The following GOLPH3 variants were observed in gnomAD, a reference collection of about 807,000 sequenced individuals.
GOLPH3 encodes the protein coat protein GPP34.
In GOLPH3, 14 loss-of-function variants were observed where a neutral mutation model predicts 28.5. The observed-to-expected ratio is 0.49, with a 90% confidence interval of 0.32 to 0.77. The LOEUF (loss-of-function observed/expected upper bound fraction) is 0.77, where lower values mean the gene tolerates loss of function less well. Among genes scored for constraint, GOLPH3 ranks in the 30% least tolerant of loss-of-function variants. The pLI, the probability that GOLPH3 is intolerant of heterozygous loss-of-function variation, is 0.03. For missense variants in GOLPH3, 350 were observed against 393.7 expected, an observed-to-expected ratio of 0.89 and a Z score of 0.94; for synonymous variants, 158 against 159.2, an observed-to-expected ratio of 0.99 and a Z score of 0.06.
At chr5:32,139,193 T>C (rs1038120496) in intron 2 of GOLPH3, among the ~76,000 whole-genome samples, 1 of 152,170 alleles carries the variant, frequency 6.6e-6, no homozygotes, top group Non-Finnish European at 1.5e-5. Context: ...ATCAAAAATA[T>C]CCAGGAAAAA....
At chr5:32,173,355 A>G (rs745552948) in intron 1 of GOLPH3, among the ~76,000 whole-genome samples, 1 of 151,630 alleles carries the variant, frequency 6.6e-6, no homozygotes, top group Non-Finnish European at 1.5e-5. Flanking sequence ...GAAAAAAAAA[A>G]CATCCCCAGC....
chr5:32,124,926 G>A lies in GOLPH3; in HGVS notation c.*1286C>T, dbSNP rs17435231. 0.018 allele frequency: 2,706 copies of A among 152,586 alleles called. 41 individuals are homozygous for A. Among genetic ancestry groups the A allele is most frequent in the Non-Finnish European group, 0.024 (1,639 of 68,004 alleles). The allele number at this position is 152,586 out of a possible 1,614,324, so 9.5% of individuals were successfully genotyped here. A position where few individuals can be genotyped will look rare whatever the true frequency, so the allele number is the denominator to read the frequency against. On this transcript the variant is annotated 3_prime_UTR_variant, in exon 4 of 4. Transcript: ENST00000265070. The stretch of plus-strand genomic sequence containing the variant: ...AATAAAAAATTTTGACATTTAATTT[G>A]TTCAACATATAGTATTTACATTATG...
At chr5:32,131,169 AG>A (rs758358705) in intron 3 of GOLPH3, among the ~76,000 whole-genome samples, 2 of 152,236 alleles carry the variant, frequency 1.3e-5, no homozygotes, top group Non-Finnish European at 2.9e-5. Flanking sequence ...GATCTCCTCA[AG>A]TATTAGAGAA....
At chr5:32,158,124 AAAT>A (rs1202779504) in intron 1 of GOLPH3, among the ~76,000 whole-genome samples, 7 of 100,178 alleles carry the variant, frequency 7.0e-5, no homozygotes, top group African/African-American at 1.3e-4. Context: ...ATAAATAAAT[AAAT>A]AAAATACACA....
chr5:32,164,242 T>A (rs896803607), intron 1 of GOLPH3, among the ~76,000 whole-genome samples: 3 of 152,190 alleles, frequency 2.0e-5, no homozygotes, highest in African/African-American at 7.2e-5. Context: ...CTTATTTCAA[T>A]GTTTCTCACC....
At chr5:32,142,219 C>T (rs1418234988) in intron 2 of GOLPH3, among the ~76,000 whole-genome samples, 4 of 151,930 alleles carry the variant, frequency 2.6e-5, no homozygotes, top group Admixed American at 2.6e-4. Flanking sequence ...GCCCGGCCGC[C>T]CATCGTCTGA....
At chr5:32,129,847 CTT>C (rs551296288) in intron 3 of GOLPH3, among the ~76,000 whole-genome samples, 2 of 145,934 alleles carry the variant, frequency 1.4e-5, no homozygotes, top group African/African-American at 2.5e-5. Context: ...AACTTCCACC[CTT>C]TTTTTTTTTT....
rs772604415 is a variant in GOLPH3 at position 32,173,895 on chromosome 5, T to A, written c.140A>T (p.Gln47Leu). ...EDDAQSRRDE[Q>L]DDDDKGDSKE... ...GGAGTCGCCCTTGTCGTCGTCGTCC[T>A]GCTCGTCGCGGCGGCTCTGCGCGTC... is the stretch of plus-strand genomic sequence containing the variant. Residue 47 changes from glutamine (Q) to leucine (L), a missense_variant, in exon 1 of 4, where the codon CAG becomes CTG. By Grantham distance (113) the Gln-to-Leu change is moderately radical. Transcript: ENST00000265070. 2.0e-6 allele frequency: 3 copies of A among 1,520,518 alleles called. No individual in the cohort carries two copies. Among genetic ancestry groups the A allele is most frequent in the Admixed American group, 2.0e-5 (1 of 50,054 alleles). 94.2% of individuals were successfully genotyped at this position (1,520,518 alleles called of 1,614,324 possible). A position where few individuals can be genotyped will look rare whatever the true frequency, so the allele number is the denominator to read the frequency against.
intron 1 of GOLPH3, among the ~76,000 whole-genome samples, chr5:32,157,314 T>C (rs778815584): frequency 6.6e-6 from 1 of 152,162 alleles, no homozygotes; most frequent in Non-Finnish European, 1.5e-5. Flanking sequence ...CTCCGTTCTT[T>C]CCCTCATCCC....
At chr5:32,129,792 T>C (rs766852504) in intron 3 of GOLPH3, among the ~76,000 whole-genome samples, 1 of 150,814 alleles carries the variant, frequency 6.6e-6, no homozygotes, top group South Asian at 2.1e-4. Flanking sequence ...GGCAGCAGAA[T>C]AGAATAAGCC....
intron 3 of GOLPH3, among the ~76,000 whole-genome samples, chr5:32,135,125 T>C (rs1328222792): frequency 2.6e-5 from 4 of 152,194 alleles, no homozygotes; most frequent in Non-Finnish European, 4.4e-5. Context: ...TGCTATGGTA[T>C]TCCTCCTTTT....
intron 1 of GOLPH3, among the ~76,000 whole-genome samples, chr5:32,155,964 A>C (rs1746414307): frequency 7.3e-5 from 3 of 40,936 alleles, no homozygotes; most frequent in African/African-American, 2.1e-4. Flanking sequence ...CTCAAAAAAA[A>C]AAAAAAAAAA....
intron 1 of GOLPH3, among the ~76,000 whole-genome samples, chr5:32,145,523 G>T (rs1315581232): frequency 6.6e-6 from 1 of 152,170 alleles, no homozygotes; most frequent in Non-Finnish European, 1.5e-5. Context: ...GACTGGCCTG[G>T]ACATATAGAC....
rs1745680311 is a variant in GOLPH3 at position 32,126,375 on chromosome 5, G to C, written c.734C>G (p.Ala245Gly). The C allele has an allele frequency of 6.2e-7, 1 of 1,614,046 alleles. No individual in the cohort carries two copies. The highest frequency in any genetic ancestry group is 1.3e-5 in the African/African-American group (1 of 74,900). Residue 245 changes from alanine (A) to glycine (G), a missense_variant, in exon 4 of 4, where the codon GCC becomes GGC. Transcript: ENST00000265070. The stretch of plus-strand genomic sequence containing the variant: ...AAAAGCATTCTCCAGGACGTCCGAG[G>C]CATGAGCCAGGTAAATGAGGGCCAG... Reference protein sequence around the residue: ...RLLALIYLAHASDVLENAFAP... With the variant: ...RLLALIYLAHGSDVLENAFAP...
In GOLPH3 at chr5:32,173,794, C is replaced by T; in HGVS notation, c.225+16G>A. ...CCCCGCGCCGCCGCCCCCCGCCCAG[C>T]CCGCCGCGCCCGCACCTCGCGGTCC... On this transcript the variant is annotated intron_variant, in intron 1 of 3. Transcript: ENST00000265070. 1 of 1,369,320 alleles carries T rather than the reference C, an allele frequency of 7.3e-7. No homozygotes were observed. 84.8% of individuals were successfully genotyped at this position (1,369,320 alleles called of 1,614,324 possible).
rs535212671 is a variant in GOLPH3 at position 32,137,529 on chromosome 5, C to G, written c.358-1843G>C. 2.0e-5 allele frequency among the ~76,000 whole-genome samples: 3 copies of G among 151,964 alleles called. No homozygotes were observed. The South Asian group carries it at 6.2e-4, about 32-fold the overall frequency. ...CAAAAATTAGCCAGGTGTGGTGGCG[C>G]ATGCCTGTAAACCCAGCTACTTGGG... On this transcript the variant is annotated intron_variant, in intron 2 of 3. Coordinates refer to ENST00000265070, the MANE Select transcript of GOLPH3 (RefSeq NM_022130.4).
At chr5:32,165,163 G>T (rs969035886) in intron 1 of GOLPH3, among the ~76,000 whole-genome samples, 11 of 152,016 alleles carry the variant, frequency 7.2e-5, no homozygotes, top group Non-Finnish European at 1.3e-4. Context: ...GCCTCCCAAA[G>T]TGCTGGGATT....
At position 32,156,517 on chromosome 5, in the gene GOLPH3, T is replaced by C. The variant is rs115330644; in HGVS notation, c.226-12637A>G. On this transcript the variant is annotated intron_variant, in intron 1 of 3. Coordinates refer to ENST00000265070, the MANE Select transcript of GOLPH3 (RefSeq NM_022130.4). ...GATTCTGTCTCAAAAAAAAAAAAAATCTGTTGTTTATAAGTCACACTGTCT... is the reference window on the plus strand; with the variant it reads ...GATTCTGTCTCAAAAAAAAAAAAAACCTGTTGTTTATAAGTCACACTGTCT... Among the ~76,000 whole-genome samples the C allele has an allele frequency of 5.6e-3, 835 of 148,192 alleles. 5 individuals are homozygous for C. Among genetic ancestry groups the C allele is most frequent in the African/African-American group, 0.019 (792 of 40,810 alleles).
chr5:32,162,880 T>C (rs921037028), intron 1 of GOLPH3, among the ~76,000 whole-genome samples: 17 of 152,016 alleles, frequency 1.1e-4, no homozygotes, highest in African/African-American at 3.4e-4. Flanking sequence ...AGATCAAGAT[T>C]ATACTGGCTA....
Sources: allele counts gnomAD v4.1 joint callset (sites outside exome capture counted in the v4.1 genomes callset), GRCh38; gene constraint gnomAD v4.1.1; transcripts MANE v1.5; gene names NCBI Gene and HGNC (gene_info 2026-07-23, HGNC 2026-07-21).